Variants in CNTN5 observed in about 807,000 individuals in gnomAD.
CNTN5 encodes the protein contactin-5.
Under a neutral mutation model 129.1 loss-of-function variants are expected in CNTN5, and 77 were observed. The observed-to-expected ratio is 0.60, with a 90% CI of 0.50 to 0.72. The LOEUF (loss-of-function observed/expected upper bound fraction) is 0.72. Among genes scored for constraint, CNTN5 ranks in the 30% least tolerant of loss-of-function variants. The pLI, the probability that CNTN5 is intolerant of heterozygous loss-of-function variation, is 0.00. For synonymous variants in CNTN5, 509 were observed against 465.6 expected (o/e 1.09, Z -1.20); for missense variants, 1,478 against 1,328.8 (o/e 1.11, Z -1.75).
intron 1 of CNTN5, among the ~76,000 whole-genome samples, chr11:99,166,502 A>G (rs1860878428): frequency 6.6e-6 from 1 of 152,088 alleles, no homozygotes; most frequent in Non-Finnish European, 1.5e-5. Context: ...AAGGAGTTCC[A>G]GTACTAAGCC....
At chr11:100,059,779 A>C (rs576306485) in intron 9 of CNTN5, among the ~76,000 whole-genome samples, 1 of 152,220 alleles carries the variant, frequency 6.6e-6, no homozygotes, top group Non-Finnish European at 1.5e-5. Context: ...ACAATTTGGC[A>C]GTACTTATTA....
At chr11:100,002,917 G>C (rs555049423) in intron 9 of CNTN5, among the ~76,000 whole-genome samples, 5 of 151,842 alleles carry the variant, frequency 3.3e-5, no homozygotes, top group African/African-American at 1.2e-4. Flanking sequence ...ATGTATCTCT[G>C]TCAGAGTTAC....
At chr11:100,229,248 T>C (rs1398260856) in intron 16 of CNTN5, among the ~76,000 whole-genome samples, 1 of 152,180 alleles carries the variant, frequency 6.6e-6, no homozygotes, top group Non-Finnish European at 1.5e-5. Flanking sequence ...TGTTGAAAGA[T>C]TTTGTTCGTT....
intron 1 of CNTN5, among the ~76,000 whole-genome samples, chr11:99,295,096 C>T (rs563942482): frequency 2.4e-3 from 368 of 151,098 alleles, no homozygotes; most frequent in African/African-American, 8.2e-3. Context: ...GATGGCTGCA[C>T]GCAAACATTT....
At chr11:99,519,589 C>G (rs946249536) in intron 2 of CNTN5, among the ~76,000 whole-genome samples, 6 of 152,080 alleles carry the variant, frequency 3.9e-5, no homozygotes, top group Admixed American at 2.0e-4. Flanking sequence ...TAATTATGCT[C>G]TCATTTATAA....
At chr11:100,285,568 C>A (rs961595829) in intron 18 of CNTN5, among the ~76,000 whole-genome samples, 1 of 152,118 alleles carries the variant, frequency 6.6e-6, no homozygotes, top group African/African-American at 2.4e-5. Flanking sequence ...ACAGACAAGG[C>A]GAAAGGAGTA....
chr11:99,615,507 CTGA>C (rs1417147661), intron 3 of CNTN5, among the ~76,000 whole-genome samples: 3 of 152,160 alleles, frequency 2.0e-5, no homozygotes, highest in Non-Finnish European at 2.9e-5. Context: ...ATCCCTTCTT[CTGA>C]TGATGACAGC....
chr11:99,467,393 A>G (rs1944987239), intron 2 of CNTN5, among the ~76,000 whole-genome samples: 1 of 152,144 alleles, frequency 6.6e-6, no homozygotes, highest in South Asian at 2.1e-4. Flanking sequence ...TTAGAATCCA[A>G]TTTAACTTTT....
chr11:99,472,121 A>G (rs1375375796), intron 2 of CNTN5, among the ~76,000 whole-genome samples: 1 of 152,148 alleles, frequency 6.6e-6, no homozygotes, highest in Non-Finnish European at 1.5e-5. Context: ...TTTCTCCGCT[A>G]CTTCCCGATG....
chr11:100,142,135 C>T (rs181070069), intron 13 of CNTN5, among the ~76,000 whole-genome samples: 56 of 152,252 alleles, frequency 3.7e-4, no homozygotes, highest in Middle Eastern at 6.8e-3. Flanking sequence ...TCCCCTCAGA[C>T]GGAGAATTAC....
intron 1 of CNTN5, among the ~76,000 whole-genome samples, chr11:99,153,483 A>G (rs1292974094): frequency 1.4e-5 from 2 of 142,480 alleles, no homozygotes; most frequent in African/African-American, 2.6e-5. Context: ...GCTCTATCAG[A>G]TCAGGTTTTT....
intron 3 of CNTN5, among the ~76,000 whole-genome samples, chr11:99,797,149 C>T (rs1945970335): frequency 6.6e-6 from 1 of 152,130 alleles, no homozygotes; most frequent in Non-Finnish European, 1.5e-5. Flanking sequence ...ATGCAATCCA[C>T]CATCGATGTG....
chr11:99,446,927 T>C (rs1434763336), intron 2 of CNTN5, among the ~76,000 whole-genome samples: 1 of 152,196 alleles, frequency 6.6e-6, no homozygotes, highest in African/African-American at 2.4e-5. Context: ...CTCCCCCTAT[T>C]TTTCTGGGCT....
intron 1 of CNTN5, among the ~76,000 whole-genome samples, chr11:99,248,173 A>T (rs1330012874): frequency 2.0e-5 from 3 of 152,106 alleles, no homozygotes; most frequent in African/African-American, 7.2e-5. Flanking sequence ...GTGAGATGGT[A>T]TCTCATTGTG....
At chr11:99,596,901 GA>G (rs1474924352) in intron 3 of CNTN5, among the ~76,000 whole-genome samples, 1 of 152,118 alleles carries the variant, frequency 6.6e-6, no homozygotes, top group African/African-American at 2.4e-5. Context: ...TAATATGCTT[GA>G]AAAATGATGA....
chr11:99,747,051 AAT>A (rs1944076145), intron 3 of CNTN5, among the ~76,000 whole-genome samples: 1 of 152,194 alleles, frequency 6.6e-6, no homozygotes, highest in South Asian at 2.1e-4. Context: ...TCAATCCATA[AAT>A]ATGAGATATC....
intron 9 of CNTN5, among the ~76,000 whole-genome samples, chr11:100,028,789 A>G (rs1309531942): frequency 6.6e-6 from 1 of 152,230 alleles, no homozygotes; most frequent in Admixed American, 6.5e-5. Flanking sequence ...ATGTTTCTAT[A>G]GATATGAAAT....
chr11:99,687,614 T>C (rs1217366074), intron 3 of CNTN5, among the ~76,000 whole-genome samples: 1 of 152,152 alleles, frequency 6.6e-6, no homozygotes, highest in African/African-American at 2.4e-5. Context: ...TACATAGTAG[T>C]TACTTCATGG....
At chr11:100,084,412 G>T (rs1474503784) in intron 13 of CNTN5, among the ~76,000 whole-genome samples, 1 of 152,106 alleles carries the variant, frequency 6.6e-6, no homozygotes, top group African/African-American at 2.4e-5. Context: ...AAAAAGCATT[G>T]TACGGTCGAG....
Sources: gnomAD v4.1 joint callset for allele counts (sites outside exome capture counted in the v4.1 genomes callset) on GRCh38, gnomAD v4.1.1 for gene constraint, MANE v1.5 for transcripts, NCBI Gene and HGNC (gene_info 2026-07-23, HGNC 2026-07-21) for gene names.